Variants in ACOT11 observed in about 807,000 individuals in gnomAD.
The protein encoded by ACOT11 is acyl-CoA thioesterase 11.
Under a neutral mutation model 77.5 loss-of-function variants are expected in ACOT11, and 69 were observed. The observed-to-expected ratio is 0.89, with a 90% CI of 0.73 to 1.09. ACOT11 has a LOEUF of 1.09. Ranked by LOEUF, ACOT11 falls within the 50% of genes least tolerant of loss-of-function variation. The probability of loss-of-function intolerance (pLI) is 0.00; values close to 1 mark genes in which losing one functional copy is unlikely to be tolerated. For synonymous variants in ACOT11, 279 were observed against 313.0 expected (o/e 0.89, Z 1.15); for missense variants, 766 against 813.7 (o/e 0.94, Z 0.71).
chr1:54,615,569 G>A (rs1219106595), intron 15 of ACOT11, among the ~76,000 whole-genome samples: 1 of 152,038 alleles, frequency 6.6e-6, no homozygotes, highest in African/African-American at 2.4e-5. Context: ...CTAGATGGGG[G>A]CAGGGTTAGG....
At chr1:54,572,264 C>A (rs1020458434) in intron 1 of ACOT11, among the ~76,000 whole-genome samples, 2 of 152,082 alleles carry the variant, frequency 1.3e-5, no homozygotes, top group African/African-American at 4.8e-5. Flanking sequence ...CTCTCTCTTG[C>A]TCTCCTGAAG....
At chr1:54,553,220 A>AT (rs550306385) in intron 1 of ACOT11, among the ~76,000 whole-genome samples, 1 of 151,052 alleles carries the variant, frequency 6.6e-6, no homozygotes, top group African/African-American at 2.4e-5. Flanking sequence ...TCATTAAAAA[A>AT]TTTTTTTTTA....
chr1:54,636,850 A>C (rs1264078479), exon 17 of ACOT11: 1 of 156,638 alleles, frequency 6.4e-6, no homozygotes, highest in Non-Finnish European at 1.4e-5. Flanking sequence ...GGGAGTGGTG[A>C]TGACTCTTAA....
chr1:54,568,446 C>A, intron 1 of ACOT11, among the ~76,000 whole-genome samples: 1 of 148,646 alleles, frequency 6.7e-6, no homozygotes, highest in South Asian at 2.1e-4. Context: ...CTCACTGCAA[C>A]CTCCACCTCC....
chr1:54,610,821 A>G (rs1644109901), downstream of ACOT11: 1 of 985,280 alleles, frequency 1.0e-6, no homozygotes, highest in Non-Finnish European at 1.2e-6. Context: ...CCGCTCGCTT[A>G]GGTGGCTCCC....
chr1:54,621,732 C>T (rs1227284085), intron 15 of ACOT11: 3 of 152,780 alleles, frequency 2.0e-5, no homozygotes, highest in Admixed American at 1.3e-4. Context: ...AAGGCAGAGC[C>T]CTTGAGGCTC....
intron 15 of ACOT11, chr1:54,623,235 G>A (rs760077940): frequency 1.5e-5 from 20 of 1,333,772 alleles, no homozygotes; most frequent in South Asian, 1.2e-4. Context: ...AGGAGCGAGC[G>A]ATGAGGGAAG....
At chr1:54,573,171 T>C in intron 1 of ACOT11, 1 of 985,426 alleles carries the variant, frequency 1.0e-6, no homozygotes. Context: ...CCGGTGGATG[T>C]CACAGATGCC....
intron 1 of ACOT11, among the ~76,000 whole-genome samples, chr1:54,563,860 G>A (rs1261039270): frequency 2.0e-5 from 3 of 152,120 alleles, no homozygotes; most frequent in African/African-American, 7.2e-5. Context: ...AAGATCATTA[G>A]TTCAAGACCA....
At chr1:54,575,827 G>A (rs1016324412) in intron 1 of ACOT11, among the ~76,000 whole-genome samples, 9 of 152,208 alleles carry the variant, frequency 5.9e-5, no homozygotes, top group African/African-American at 2.2e-4. Context: ...CAGAGGGAGT[G>A]GCACGGGCAA....
chr1:54,594,542 C>A lies in ACOT11; in HGVS notation c.472-14C>A. 3 of 1,608,328 alleles carry A rather than the reference C, an allele frequency of 1.9e-6. No individual in the cohort carries two copies. Among genetic ancestry groups the A allele is most frequent in the Non-Finnish European group, 2.5e-6 (3 of 1,176,906 alleles). On this transcript the variant is annotated splice_polypyrimidine_tract_variant and intron_variant, in intron 5 of 15. Transcript: ENST00000343744. ...TTGCCCTGAGTGTCCCCCACCCTGT[C>A]CCCTGGCCGACAGGTGAAGCTGAAG...
At chr1:54,594,768 C>A in intron 6 of ACOT11, 77 bp downstream of exon 6, 2 of 1,532,246 alleles carry the variant, frequency 1.3e-6, no homozygotes, top group Admixed American at 2.0e-5. Flanking sequence ...TCCCACTGGG[C>A]AGAGGCAGGA....
chr1:54,632,125 T>G (rs891568492), intron 16 of ACOT11, among the ~76,000 whole-genome samples: 5 of 152,180 alleles, frequency 3.3e-5, no homozygotes, highest in Non-Finnish European at 5.9e-5. Flanking sequence ...TCCTGAAATA[T>G]GTCCAAAATG....
chr1:54,616,500 G>A (rs1267103315), intron 15 of ACOT11, among the ~76,000 whole-genome samples: 1 of 151,924 alleles, frequency 6.6e-6, no homozygotes, highest in Non-Finnish European at 1.5e-5. Flanking sequence ...AGCCTCCCAA[G>A]TAGCTGGAAT....
At chr1:54,591,074 C>T (rs1048444660) in intron 3 of ACOT11, among the ~76,000 whole-genome samples, 6 of 152,202 alleles carry the variant, frequency 3.9e-5, no homozygotes, top group African/African-American at 1.2e-4. Flanking sequence ...CTCTGCTAAA[C>T]GATTTGAAAG....
chr1:54,606,774 A>G (rs1375183923), intron 13 of ACOT11, among the ~76,000 whole-genome samples: 1 of 152,238 alleles, frequency 6.6e-6, no homozygotes, highest in African/African-American at 2.4e-5. Context: ...TGGTGTCTGC[A>G]CCTGCGCAGA....
At chr1:54,581,189 T>C (rs764292869) in intron 1 of ACOT11, among the ~76,000 whole-genome samples, 6 of 152,184 alleles carry the variant, frequency 3.9e-5, no homozygotes, top group Non-Finnish European at 7.3e-5. Context: ...ATTTGCTTTT[T>C]GGAAAGATCC....
At chr1:54,568,726 A>G (rs1226610633) in intron 1 of ACOT11, among the ~76,000 whole-genome samples, 6 of 151,892 alleles carry the variant, frequency 4.0e-5, no homozygotes, top group African/African-American at 1.5e-4. Context: ...ACTTCATGGG[A>G]GTTTTTAGAT....
Position 54,563,744 on chromosome 1 carries a change from C to T in ACOT11, c.33+15402C>T, listed in dbSNP as rs144716242. 1.7e-3 allele frequency among the ~76,000 whole-genome samples: 259 copies of T among 151,826 alleles called. 4 individuals carry two copies. In the East Asian group the frequency reaches 0.035, roughly 21 times the overall value. ...TCCAGACCATCCTGGGCAACACAGACCTCATCTTACTAAAAATAACATTTA... is the reference window on the plus strand; with the variant it reads ...TCCAGACCATCCTGGGCAACACAGATCTCATCTTACTAAAAATAACATTTA... On this transcript the variant is annotated intron_variant, in intron 1 of 15. Transcript: ENST00000343744.
Sources: allele counts gnomAD v4.1 joint callset (sites outside exome capture counted in the v4.1 genomes callset), GRCh38; gene constraint gnomAD v4.1.1; transcripts MANE v1.5; gene names NCBI Gene and HGNC (gene_info 2026-07-23, HGNC 2026-07-21).